The following USP30 variants were observed in gnomAD, a reference collection of about 807,000 sequenced individuals.
The protein encoded by USP30 is ubiquitin specific peptidase 30, also known as ubiquitin carboxyl-terminal hydrolase 30.
USP30 carries 41 observed loss-of-function variants against 68.2 expected under a neutral mutation model. The observed-to-expected ratio is 0.60, with a 90% CI of 0.47 to 0.78. The LOEUF is 0.78. Among genes scored for constraint, USP30 ranks in the 30% least tolerant of loss-of-function variants. The probability of loss-of-function intolerance (pLI) is 0.00; values close to 1 mark genes in which losing one functional copy is unlikely to be tolerated. For synonymous variants in USP30, 229 were observed against 253.7 expected, an observed-to-expected ratio of 0.90 and a Z score of 0.93; for missense variants, 522 against 649.4, an observed-to-expected ratio of 0.80 and a Z score of 2.13.
At chr12:109,049,827 GA>G (rs1052242720), upstream of USP30, among the ~76,000 whole-genome samples, 47 of 147,362 alleles carry the variant, frequency 3.2e-4, no homozygotes, top group East Asian at 8.0e-4. Context: ...AAAAAGAAAA[GA>G]AAAAAAAAAG....
intron 3 of USP30, among the ~76,000 whole-genome samples, chr12:109,046,392 C>T (rs528617437): frequency 4.0e-5 from 6 of 150,164 alleles, no homozygotes; most frequent in African/African-American, 1.5e-4. Context: ...GGATTACGGG[C>T]GTGAGCCATT....
chr12:109,052,803 A>G (rs1593233422), intron 1 of USP30, 42 bp downstream of exon 1: 1 of 1,415,384 alleles, frequency 7.1e-7, no homozygotes, highest in African/African-American at 1.5e-5. Flanking sequence ...GGCCGGGACC[A>G]GGGTCCCCAG....
intron 2 of USP30, among the ~76,000 whole-genome samples, chr12:109,057,698 T>C (rs1248387825): frequency 1.3e-5 from 2 of 152,216 alleles, no homozygotes; most frequent in African/African-American, 2.4e-5. Context: ...GTTTCAAAAA[T>C]AACACACAAA....
intron 1 of USP30, among the ~76,000 whole-genome samples, chr12:109,053,457 AG>A (rs2135697621): frequency 6.6e-6 from 1 of 152,150 alleles, no homozygotes; most frequent in East Asian, 1.9e-4. Context: ...CAATCCTGTC[AG>A]GGCCCCCATT....
At chr12:109,060,556 C>T (rs1038110737) in intron 3 of USP30, among the ~76,000 whole-genome samples, 6 of 152,140 alleles carry the variant, frequency 3.9e-5, no homozygotes, top group Non-Finnish European at 7.4e-5. Context: ...AAATGTGCAA[C>T]TCGCTGCCAG....
upstream of USP30, among the ~76,000 whole-genome samples, chr12:109,049,684 G>A (rs1184036177): frequency 2.0e-5 from 3 of 152,058 alleles, no homozygotes; most frequent in Non-Finnish European, 4.4e-5. Context: ...GCATGGTGGC[G>A]CGTGCCTGTA....
At chr12:109,063,583 C>G (rs1340325539) in intron 3 of USP30, among the ~76,000 whole-genome samples, 1 of 152,176 alleles carries the variant, frequency 6.6e-6, no homozygotes, top group African/African-American at 2.4e-5. Flanking sequence ...ATTGCTGGAT[C>G]AAATGGTAAT....
intron 12 of USP30, among the ~76,000 whole-genome samples, 185 bp from the exon 13 acceptor site, chr12:109,085,482 C>A (rs964045746): frequency 1.1e-4 from 16 of 152,090 alleles, no homozygotes; most frequent in African/African-American, 2.4e-5. Context: ...TATACATATA[C>A]TCATAGAATG....
rs1019943589 is a variant in USP30, at chr12:109,052,608, C to G, written c.-71C>G. The G allele has an allele frequency of 7.2e-7, 1 of 1,392,572 alleles. No individual in the cohort carries two copies. 86.3% of individuals were successfully genotyped at this position (1,392,572 alleles called of 1,614,324 possible). A position where few individuals can be genotyped will look rare whatever the true frequency, so the allele number is the denominator to read the frequency against. ...CAGGTTCCGCTGTCTCGGGAACCGT[C>G]GTATCCCTCGGTCCGGCGGCGGCGG... On this transcript the variant is annotated 5_prime_UTR_variant, in exon 1 of 13. Coordinates refer to ENST00000257548, the MANE Select transcript of USP30 (RefSeq NM_032663.5).
Position 109,081,997 on chromosome 12 carries a change from T to C in USP30, c.845T>C (p.Val282Ala). ...ATCTCATCAGAATCAGTGCGGGATG[T>C]TGTGTGTGACAACTGTACAAAGGTA... ...HFISSESVRDVVCDNCTKIEA... is the reference protein window; with the variant it reads ...HFISSESVRDAVCDNCTKIEA... The change falls in exon 9 of 13, where the codon GTT becomes GCT. Residue 282 changes from valine (V) to alanine (A), a missense_variant. Val to Ala is a moderately conservative substitution (Grantham distance 64, BLOSUM62 0). Transcript: ENST00000257548. 1.9e-6 allele frequency: 3 copies of C among 1,614,212 alleles called. No individual in the cohort carries two copies. Among genetic ancestry groups the C allele is most frequent in the Non-Finnish European group, 2.5e-6 (3 of 1,180,038 alleles).
intron 6 of USP30, among the ~76,000 whole-genome samples, chr12:109,073,094 A>T (rs2041493483): frequency 6.6e-6 from 1 of 152,202 alleles, no homozygotes; most frequent in African/African-American, 2.4e-5. Flanking sequence ...AGAAGATTTT[A>T]TCTCGCTTTA....
At chr12:109,065,675 G>A (rs1187148636) in intron 3 of USP30, among the ~76,000 whole-genome samples, 2 of 152,198 alleles carry the variant, frequency 1.3e-5, no homozygotes, top group Non-Finnish European at 2.9e-5. Flanking sequence ...TTGTAAAGAG[G>A]TAATAATCAC....
At chr12:109,043,859 G>A (rs1019315266) in intron 3 of USP30, among the ~76,000 whole-genome samples, 1 of 152,158 alleles carries the variant, frequency 6.6e-6, no homozygotes, top group Non-Finnish European at 1.5e-5. Flanking sequence ...GCAATTTCAG[G>A]TTGGGTACAT....
chr12:109,064,920 T>C (rs1214496769), intron 3 of USP30, among the ~76,000 whole-genome samples: 5 of 152,124 alleles, frequency 3.3e-5, no homozygotes, highest in African/African-American at 4.8e-5. Flanking sequence ...GGGAGAAAGA[T>C]GTGGTTCATT....
chr12:109,026,402 C>T (rs528164606), intron 2 of USP30, among the ~76,000 whole-genome samples: 1 of 151,910 alleles, frequency 6.6e-6, no homozygotes, highest in South Asian at 2.1e-4. Flanking sequence ...GTGGTAAATA[C>T]ATATGTCTTA....
intron 2 of USP30, 103 bp from the exon 3 acceptor site, chr12:109,057,823 T>C: frequency 7.8e-7 from 1 of 1,283,042 alleles, no homozygotes; most frequent in African/African-American, 1.5e-5. Flanking sequence ...TGGATCGGGA[T>C]TCCAAATTTA....
At chr12:109,058,229 A>T (rs767353367) in intron 3 of USP30, 121 bp downstream of exon 3, 2 of 1,118,578 alleles carry the variant, frequency 1.8e-6, no homozygotes, top group Non-Finnish European at 1.3e-6. Flanking sequence ...ATCATTATGA[A>T]TAAACAACAC....
upstream of USP30, chr12:109,047,844 A>T (rs1328972880): frequency 1.3e-5 from 2 of 152,176 alleles, no homozygotes; most frequent in Admixed American, 1.3e-4. Flanking sequence ...ACAAAAAATT[A>T]GCTAGACTAA....
intron 3 of USP30, among the ~76,000 whole-genome samples, chr12:109,036,668 C>T (rs2040523438): frequency 6.6e-6 from 1 of 151,948 alleles, no homozygotes; most frequent in South Asian, 2.1e-4. Context: ...CTTAATTCCT[C>T]CTTCATTTTT....
Sources: allele counts gnomAD v4.1 joint callset (sites outside exome capture counted in the v4.1 genomes callset), GRCh38; gene constraint gnomAD v4.1.1; transcripts MANE v1.5; gene names NCBI Gene and HGNC (gene_info 2026-07-23, HGNC 2026-07-21).